Variants in SLC44A1 observed in about 807,000 individuals in gnomAD.
SLC44A1 encodes solute carrier family 44 member 1, also known as choline transporter-like protein 1.
A neutral mutation model predicts 79.3 loss-of-function variants in SLC44A1; 26 were observed. That is an observed-to-expected ratio of 0.33 (90% CI 0.24 to 0.46). The LOEUF (loss-of-function observed/expected upper bound fraction) is 0.46. SLC44A1 is among the 20% of genes least tolerant of loss of function. The pLI, the probability that SLC44A1 is intolerant of heterozygous loss-of-function variation, is 1.00. For synonymous variants in SLC44A1, 263 were observed against 286.2 expected (o/e 0.92, Z 0.82); for missense variants, 688 against 798.1 (o/e 0.86, Z 1.66).
At chr9:105,320,916 T>C (rs891110752) in intron 3 of SLC44A1, among the ~76,000 whole-genome samples, 2 of 152,244 alleles carry the variant, frequency 1.3e-5, no homozygotes, top group African/African-American at 4.8e-5. Context: ...TTGCATATTT[T>C]AAAACAAACT....
intron 1 of SLC44A1, among the ~76,000 whole-genome samples, chr9:105,265,080 G>A (rs573217276): frequency 1.8e-4 from 28 of 152,302 alleles, no homozygotes; most frequent in Non-Finnish European, 3.2e-4. Context: ...ACAGGTGTGA[G>A]CCACCGTGCC....
At chr9:105,375,412 C>T (rs979786605) in intron 13 of SLC44A1, among the ~76,000 whole-genome samples, 1 of 152,188 alleles carries the variant, frequency 6.6e-6, no homozygotes, top group Non-Finnish European at 1.5e-5. Flanking sequence ...GCAACTGGAG[C>T]CTGACTGCCT....
downstream of SLC44A1, among the ~76,000 whole-genome samples, chr9:105,400,459 A>G (rs1828943053): frequency 6.7e-6 from 1 of 149,950 alleles, no homozygotes; most frequent in Non-Finnish European, 1.5e-5. Context: ...ACTGCACTCC[A>G]GCCTGGTGAC....
chr9:105,369,086 A>G (rs1185018833), intron 12 of SLC44A1, among the ~76,000 whole-genome samples: 1 of 152,228 alleles, frequency 6.6e-6, no homozygotes, highest in Non-Finnish European at 1.5e-5. Flanking sequence ...ACACACTTGT[A>G]ATTTTTATGA....
intron 1 of SLC44A1, among the ~76,000 whole-genome samples, chr9:105,263,421 G>T (rs1015217671): frequency 6.6e-6 from 1 of 152,034 alleles, no homozygotes; most frequent in African/African-American, 2.4e-5. Context: ...TTACAACCAT[G>T]TCTGAATGTC....
intron 1 of SLC44A1, among the ~76,000 whole-genome samples, chr9:105,288,387 C>T (rs1018348533): frequency 6.6e-6 from 1 of 152,076 alleles, no homozygotes; most frequent in Non-Finnish European, 1.5e-5. Flanking sequence ...CTCGCTCTGT[C>T]GCCCTGGCCG....
At chr9:105,408,405 G>T (rs1219872810) in intron 15 of SLC44A1, among the ~76,000 whole-genome samples, 1 of 149,804 alleles carries the variant, frequency 6.7e-6, no homozygotes, top group Non-Finnish European at 1.5e-5. Flanking sequence ...TCACTCATTT[G>T]TTGTTGTTGT....
intron 2 of SLC44A1, chr9:105,299,979 C>G: frequency 1.0e-6 from 1 of 980,230 alleles, no homozygotes; most frequent in Non-Finnish European, 1.2e-6. Context: ...TCACTCTGCC[C>G]TACAGGAGTT....
intron 1 of SLC44A1, among the ~76,000 whole-genome samples, chr9:105,257,079 CCCGGCCTTT>C (rs1333477824): frequency 6.6e-6 from 1 of 151,146 alleles, no homozygotes; most frequent in African/African-American, 2.4e-5. Context: ...AGCCACTGCG[CCCGGCCTTT>C]TTTTGTTTTT....
intron 4 of SLC44A1, among the ~76,000 whole-genome samples, chr9:105,339,646 G>A (rs975485499): frequency 6.6e-6 from 1 of 152,050 alleles, no homozygotes; most frequent in African/African-American, 2.4e-5. Flanking sequence ...CCTGCACAAC[G>A]TAGTGAGATC....
intron 1 of SLC44A1, among the ~76,000 whole-genome samples, chr9:105,279,215 A>C (rs367831807): frequency 1.3e-5 from 2 of 151,896 alleles, no homozygotes; most frequent in African/African-American, 4.8e-5. Context: ...AAAGGTATTC[A>C]GTAAGAACAA....
intron 1 of SLC44A1, among the ~76,000 whole-genome samples, chr9:105,260,899 A>G (rs1232382940): frequency 6.6e-6 from 1 of 152,208 alleles, no homozygotes; most frequent in Non-Finnish European, 1.5e-5. Context: ...AATTGAGGAT[A>G]GGGATGATGG....
rs796975510 is a variant in SLC44A1, at chr9:105,392,205, G to A, written c.*3149G>A. 1.0e-6 allele frequency: 1 copy of A among 984,304 alleles called. No individual in the cohort carries two copies. The allele number at this position is 984,304 out of a possible 1,614,324, so 61.0% of individuals were successfully genotyped here. A position where few individuals can be genotyped will look rare whatever the true frequency, so the allele number is the denominator to read the frequency against. ...GTTCCTTTAAAGCATTTAATGCAAT[G>A]GCTAATGTTTAGGATTAAAGTTTTT... On this transcript the variant is annotated 3_prime_UTR_variant, in exon 16 of 16. Coordinates refer to ENST00000374720, the MANE Select transcript of SLC44A1 (RefSeq NM_080546.5).
At chr9:105,301,050 G>A (rs781257685) in intron 2 of SLC44A1, among the ~76,000 whole-genome samples, 14 of 152,134 alleles carry the variant, frequency 9.2e-5, no homozygotes, top group Non-Finnish European at 1.9e-4. Flanking sequence ...GATTACAGGC[G>A]TGAGCCACCG....
intron 1 of SLC44A1, among the ~76,000 whole-genome samples, chr9:105,271,450 G>C (rs1240432032): frequency 6.6e-6 from 1 of 152,178 alleles, no homozygotes; most frequent in Non-Finnish European, 1.5e-5. Context: ...GATGAATAAT[G>C]ACTTCGTTGG....
chr9:105,347,351 T>C (rs1162649360), intron 4 of SLC44A1, among the ~76,000 whole-genome samples: 4 of 152,054 alleles, frequency 2.6e-5, no homozygotes, highest in Middle Eastern at 3.2e-3. Context: ...TAATCAAATA[T>C]AAACAGTTTA....
chr9:105,343,463 G>T (rs560810269), intron 4 of SLC44A1, among the ~76,000 whole-genome samples: 6 of 152,282 alleles, frequency 3.9e-5, no homozygotes, highest in African/African-American at 1.2e-4. Flanking sequence ...AGTATCAATA[G>T]ATGATCAGTA....
At chr9:105,413,380 A>G (rs1471307664) in intron 15 of SLC44A1, among the ~76,000 whole-genome samples, 3 of 152,218 alleles carry the variant, frequency 2.0e-5, no homozygotes, top group African/African-American at 7.2e-5. Context: ...GGCAATTTCC[A>G]AGAAAATTTC....
chr9:105,351,670 G>GAAAGAAAGAAAGA (rs1157732457), intron 5 of SLC44A1, among the ~76,000 whole-genome samples: 4 of 150,486 alleles, frequency 2.7e-5, no homozygotes, highest in Non-Finnish European at 4.4e-5. Context: ...AAGAAAGAAA[G>GAAAGAAAGAAAGA]AAAGAACCAA....
Sources: gnomAD v4.1 joint callset for allele counts (sites outside exome capture counted in the v4.1 genomes callset) on GRCh38, gnomAD v4.1.1 for gene constraint, MANE v1.5 for transcripts, NCBI Gene and HGNC (gene_info 2026-07-23, HGNC 2026-07-21) for gene names.